CUL9: variants seen among roughly 807,000 people sequenced by gnomAD.
CUL9 encodes cullin 9.
A neutral mutation model predicts 272.6 loss-of-function variants in CUL9; 79 were observed. The observed-to-expected ratio is 0.29, with a 90% CI of 0.24 to 0.35. The LOEUF (loss-of-function observed/expected upper bound fraction) is 0.35. Among genes scored for constraint, CUL9 ranks in the 10% least tolerant of loss-of-function variants. The probability of loss-of-function intolerance (pLI) is 1.00; values close to 1 mark genes in which losing one functional copy is unlikely to be tolerated. For missense variants in CUL9, 2,532 were observed against 3,255.6 expected (o/e 0.78, Z 5.41); for synonymous variants, 1,186 against 1,286.5 (o/e 0.92, Z 1.67).
At chr6:43,209,955 C>CTTTTTATTTTATTTTGTTTTTAT (rs1775342886) in intron 26 of CUL9, among the ~76,000 whole-genome samples, 1 of 151,676 alleles carries the variant, frequency 6.6e-6, no homozygotes, top group Non-Finnish European at 1.5e-5. Flanking sequence ...CCCTTTTGTA[C>CTTTTTATTTTATTTTGTTTTTAT]TTTTTATTTT....
chr6:43,204,013 C>A, intron 20 of CUL9, 26 bp downstream of exon 20: 1 of 1,569,422 alleles, frequency 6.4e-7, no homozygotes. Context: ...CCTGGCCCCA[C>A]TAACCAGTTC....
In CUL9 at chr6:43,203,383, G is replaced by A; in HGVS notation, c.3850-34G>A. ...TTGGTAGTACTTAGTGGCTCAAGCG[G>A]CTTGGGTGACAGATAAGTCTGTGCA... On this transcript the variant is annotated intron_variant, in intron 18 of 40. Coordinates refer to ENST00000252050, the MANE Select transcript of CUL9 (RefSeq NM_015089.4). This position sits in a 1 kb window ranked among gnomAD's most constrained non-coding sequence, Gnocchi z 5.0. 1.2e-6 allele frequency: 2 copies of A among 1,611,448 alleles called. No individual in the cohort carries two copies. The highest frequency in any genetic ancestry group is 1.7e-6 in the Non-Finnish European group (2 of 1,178,636).
chr6:43,194,343 G>C (rs1773807079), intron 9 of CUL9, among the ~76,000 whole-genome samples: 1 of 150,910 alleles, frequency 6.6e-6, no homozygotes, highest in Admixed American at 6.6e-5. Context: ...TTCTTTGACG[G>C]AGTCTTGCTC....
intron 10 of CUL9, 96 bp from the exon 11 acceptor site, chr6:43,196,549 T>G (rs1343574244): frequency 8.6e-7 from 1 of 1,158,188 alleles, no homozygotes; most frequent in East Asian, 2.3e-5. Flanking sequence ...ACTGGAGCCC[T>G]TTGCTCCCTA....
intron 23 of CUL9, 33 bp from the exon 24 acceptor site, chr6:43,205,230 A>G (rs1406144515): frequency 6.2e-6 from 10 of 1,605,570 alleles, no homozygotes; most frequent in Non-Finnish European, 8.5e-6. Context: ...TCCCTCATTC[A>G]TGGTTTGCTC....
chr6:43,221,699 A>G lies in CUL9; in HGVS notation c.6767A>G (p.Lys2256Arg). The G allele has an allele frequency of 1.9e-6, 3 of 1,613,910 alleles. No homozygotes were observed. Among genetic ancestry groups the G allele is most frequent in the Non-Finnish European group, 2.5e-6 (3 of 1,180,014 alleles). Residue 2256 changes from lysine (K) to arginine (R), a missense_variant, in exon 35 of 41, where the codon AAA (lysine) becomes AGA (arginine). By Grantham distance (26) the Lys-to-Arg change is conservative. Transcript: ENST00000252050. The surrounding 1 kb of genome is among the most constrained non-coding windows in gnomAD (Gnocchi z 4.2). The part of the protein sequence containing the change: ...NEGCLHMTCA[K>R]CNHGFCWRCL... ...TTCCTCCATAGCATGACCTGTGCCA[A>G]ATGTAACCATGGATTCTGCTGGCGC...
intron 9 of CUL9, among the ~76,000 whole-genome samples, chr6:43,195,645 G>A (rs1339735098): frequency 6.6e-6 from 1 of 152,204 alleles, no homozygotes; most frequent in African/African-American, 2.4e-5. Flanking sequence ...AGGGAAGAGA[G>A]ATTTTGCAAA....
chr6:43,200,517 C>T lies in CUL9; in HGVS notation c.3466C>T (p.Leu1156Phe). 6.2e-7 allele frequency: 1 copy of T among 1,614,226 alleles called. No individual in the cohort carries two copies. The highest frequency in any genetic ancestry group is 8.5e-7 in the Non-Finnish European group (1 of 1,180,046). Reference protein sequence around the residue: ...IPFFDVFLRHLCQGSSVEVKE... With the variant: ...IPFFDVFLRHFCQGSSVEVKE... ...CTTCTTTGATGTGTTCCTCAGGCAT[C>T]TCTGCCAGGGTTAGTGCCCTCATCT... Residue 1156 changes from leucine to phenylalanine, a missense_variant, in exon 15 of 41, where the codon CTC becomes TTC. Transcript: ENST00000252050. The surrounding 1 kb of genome is among the most constrained non-coding windows in gnomAD (Gnocchi z 4.0).
Position 43,188,016 on chromosome 6 carries a change from A to G in CUL9, c.1885A>G (p.Arg629Gly). 6.2e-7 allele frequency: 1 copy of G among 1,613,886 alleles called. No individual in the cohort carries two copies. ...GACAGAGGCCGAGCCCACCAAGACA[A>G]GGACCGAGACCCCCATGGCACAGAG... ...PKTEAEPTKTRTETPMAQSDS... is the reference protein window; with the variant it reads ...PKTEAEPTKTGTETPMAQSDS... Residue 629 changes from arginine (R) to glycine (G), a missense_variant, in exon 7 of 41, where the codon AGG (arginine) becomes GGG (glycine). Physicochemically the swap from Arg to Gly is moderately radical, Grantham distance 125 (BLOSUM62 -2). Transcript: ENST00000252050.
rs371964646 is a variant in CUL9 at position 43,220,787 on chromosome 6, C to G, written c.6464C>G (p.Ser2155Cys). The change falls in exon 33 of 41, where the codon TCC becomes TGC. Residue 2155 changes from serine to cysteine, a missense_variant. Around this residue, in one of 3 missense-constraint regions of CUL9, gnomAD observed 2,218 missense variants for 2,788.6 expected, o/e 0.80. Coordinates refer to ENST00000252050, the MANE Select transcript of CUL9 (RefSeq NM_015089.4). The surrounding 1 kb of genome is among the most constrained non-coding windows in gnomAD (Gnocchi z 4.9). ...ALLRGYVESC[S>C]NLTWCTNPQG... is the part of the protein sequence containing the mutation. ...CTGCGTGGCTATGTGGAGAGCTGCT[C>G]CAACCTGACCTGGTGCACCAACCCC... is the stretch of plus-strand genomic sequence containing the variant. 4.3e-6 allele frequency: 7 copies of G among 1,613,262 alleles called. No individual in the cohort carries two copies. Among genetic ancestry groups the G allele is most frequent in the Non-Finnish European group, 5.9e-6 (7 of 1,179,992 alleles).
intron 31 of CUL9, among the ~76,000 whole-genome samples, chr6:43,217,757 T>G (rs1776041708): frequency 6.6e-6 from 1 of 152,220 alleles, no homozygotes; most frequent in South Asian, 2.1e-4. Context: ...CCTTTACACT[T>G]TCATTTTTTC....
chr6:43,187,598 GGTCTA>G (rs1238534155), intron 6 of CUL9, 110 bp from the exon 7 acceptor site: 5 of 1,348,374 alleles, frequency 3.7e-6, no homozygotes, highest in Non-Finnish European at 5.2e-6. Flanking sequence ...GTGCTGTGAG[GGTCTA>G]GTATGTAGAA....
intron 31 of CUL9, among the ~76,000 whole-genome samples, chr6:43,219,525 T>G (rs77735086): frequency 6.6e-6 from 1 of 151,708 alleles, no homozygotes; most frequent in Non-Finnish European, 1.5e-5. Flanking sequence ...TTTCCCAACT[T>G]TGGGTTTGTT....
rs1562042797 is a variant in CUL9, at chr6:43,204,853, A to G, written c.4445A>G (p.Glu1482Gly). ...ITQCWLSVVQ[E>G]QVSRFLAAAW... ...CAGTGCTGGCTGAGCGTGGTGCAGGAGCAGGTGGGCAGAAGCAAGCAGAAG... is the reference window on the plus strand; with the variant it reads ...CAGTGCTGGCTGAGCGTGGTGCAGGGGCAGGTGGGCAGAAGCAAGCAGAAG... Residue 1482 changes from glutamate (E) to glycine (G), a missense_variant, in exon 22 of 41, where the codon GAG becomes GGG. By Grantham distance (98) the Glu-to-Gly change is moderately conservative. Coordinates refer to ENST00000252050, the MANE Select transcript of CUL9 (RefSeq NM_015089.4). 1 of 1,614,118 alleles carries G rather than the reference A, an allele frequency of 6.2e-7. No individual in the cohort carries two copies. The highest frequency in any genetic ancestry group is 1.1e-5 in the South Asian group (1 of 91,078).
At position 43,205,357 on chromosome 6, in the gene CUL9, G is replaced by A. The variant is rs746067860; in HGVS notation, c.4727G>A (p.Arg1576Gln). 21 of 1,614,182 alleles carry A rather than the reference G, an allele frequency of 1.3e-5. 1 individual carries two copies. Among genetic ancestry groups the A allele is most frequent in the African/African-American group, 2.7e-5 (2 of 75,026 alleles). The change falls in exon 24 of 41, where the codon CGG becomes CAG. Residue 1576 changes from arginine to glutamine, a missense_variant. This residue lies in a region of CUL9 where 2,218 missense variants were observed against 2,788.6 expected (regional missense o/e 0.80). Coordinates refer to ENST00000252050, the MANE Select transcript of CUL9 (RefSeq NM_015089.4). ...GTGGAAATGCTGGGGCAGCTTCAGC[G>A]GCACCTGGAACCCATTATGGTCCTT... ...PGVEMLGQLQ[R>Q]HLEPIMVLSG...
rs1241739458 is a variant in CUL9, at chr6:43,204,992, ACT to A, written c.4512_4513del (p.Tyr1505Ter). ...CAGACTTTGTGCCTCGTTACTGTAA[ACT>A]CTATGAGCACTTGCAGAGAGCAGGC... is the stretch of plus-strand genomic sequence containing the variant. ...APDFVPRYCK[L>X]YEHLQRAGSE... On this transcript the variant is annotated frameshift_variant, in exon 23 of 41. Transcript: ENST00000252050. LOFTEE classifies it high-confidence loss of function. 1.9e-6 allele frequency: 3 copies of A among 1,612,798 alleles called. No homozygotes were observed. The highest frequency in any genetic ancestry group is 1.1e-5 in the South Asian group (1 of 90,954).
intron 7 of CUL9, 166 bp from the exon 8 acceptor site, chr6:43,188,357 C>T (rs1773113947): frequency 1.2e-6 from 1 of 823,180 alleles, no homozygotes; most frequent in South Asian, 1.9e-5. Flanking sequence ...TCTTCATCTC[C>T]TTTGTTTGAT....
chr6:43,200,515 A>G lies in CUL9; in HGVS notation c.3464A>G (p.His1155Arg), dbSNP rs376976774. 3.1e-6 allele frequency: 5 copies of G among 1,613,966 alleles called. No homozygotes were observed. The African/African-American group carries it at 4.0e-5, about 13-fold the overall frequency. ...NIPFFDVFLR[H>R]LCQGSSVEVK... ...CCCTTCTTTGATGTGTTCCTCAGGC[A>G]TCTCTGCCAGGGTTAGTGCCCTCAT... Residue 1155 changes from histidine (H) to arginine (R), a missense_variant, in exon 15 of 41, where the codon CAT becomes CGT. Physicochemically the swap from His to Arg is conservative, Grantham distance 29. Around this residue, in one of 3 missense-constraint regions of CUL9, gnomAD observed 2,218 missense variants for 2,788.6 expected, o/e 0.80. Transcript: ENST00000252050. The surrounding 1 kb of genome is among the most constrained non-coding windows in gnomAD (Gnocchi z 4.0).
In CUL9 at chr6:43,196,669, C is replaced by T. The variant is rs143931299; in HGVS notation, c.2610C>T (p.Gly870=). 1.5e-5 allele frequency: 25 copies of T among 1,614,090 alleles called. No homozygotes were observed. Among genetic ancestry groups the T allele is most frequent in the Non-Finnish European group, 1.8e-5 (21 of 1,180,028 alleles). ...TEGCSSAARN[G]LLLLNLLLCN... is the part of the protein sequence containing the mutation. ...GGTGCTCTTCTGCAGCGAGAAATGG[C>T]TTACTCCTGCTCAACCTACTTTTGT... The change falls in exon 11 of 41, where the codon GGC becomes GGT. Residue 870 remains glycine (G), a synonymous_variant. Transcript: ENST00000252050.
Sources: allele counts gnomAD v4.1 joint callset (sites outside exome capture counted in the v4.1 genomes callset), GRCh38; gene constraint gnomAD v4.1.1; regional missense constraint gnomAD v4.1.1; non-coding constraint Gnocchi (gnomAD v3.1); transcripts MANE v1.5; gene names NCBI Gene and HGNC (gene_info 2026-07-23, HGNC 2026-07-21).